The following DLG2 variants were observed in gnomAD, a reference collection of about 807,000 sequenced individuals.
DLG2 encodes discs large MAGUK scaffold protein 2.
Under a neutral mutation model 132.5 loss-of-function variants are expected in DLG2, and 45 were observed. The ratio of observed to expected loss-of-function variants is 0.34; its 90% CI spans 0.27 to 0.44. The LOEUF (loss-of-function observed/expected upper bound fraction) is 0.44. DLG2 is among the 20% of genes least tolerant of loss of function. The probability of loss-of-function intolerance (pLI) is 1.00; values close to 1 mark genes in which losing one functional copy is unlikely to be tolerated. For missense variants in DLG2, 1,045 were observed against 1,196.9 expected (o/e 0.87, Z 1.87); for synonymous variants, 424 against 419.6 (o/e 1.01, Z -0.13).
intron 4 of DLG2, among the ~76,000 whole-genome samples, chr11:85,229,344 C>T (rs933513591): frequency 2.6e-5 from 4 of 152,064 alleles, no homozygotes; most frequent in Non-Finnish European, 4.4e-5. Flanking sequence ...TGAACAGACA[C>T]TTCTCAAAAG....
intron 3 of DLG2, among the ~76,000 whole-genome samples, chr11:85,442,332 C>A (rs2091821749): frequency 1.3e-5 from 2 of 152,114 alleles, no homozygotes; most frequent in African/African-American, 2.4e-5. Flanking sequence ...AGCAAGACAT[C>A]ATGTTGGCTT....
At chr11:83,575,707 T>C (rs2096863462) in intron 19 of DLG2, among the ~76,000 whole-genome samples, 1 of 152,152 alleles carries the variant, frequency 6.6e-6, no homozygotes, top group Non-Finnish European at 1.5e-5. Context: ...GCTTCAGTAG[T>C]AAAACATAAT....
intron 16 of DLG2, among the ~76,000 whole-genome samples, chr11:83,853,848 G>A (rs990822679): frequency 1.3e-5 from 2 of 151,990 alleles, no homozygotes; most frequent in Admixed American, 6.6e-5. Context: ...TTTCACCACC[G>A]CCTTTCGTCA....
intron 17 of DLG2, among the ~76,000 whole-genome samples, chr11:83,796,151 G>A (rs767746390): frequency 6.6e-6 from 1 of 152,198 alleles, no homozygotes; most frequent in African/African-American, 2.4e-5. Flanking sequence ...GAGTGAATAA[G>A]TGAGTGGATG....
intron 4 of DLG2, among the ~76,000 whole-genome samples, chr11:85,197,238 T>C (rs1466226684): frequency 2.6e-5 from 4 of 152,216 alleles, no homozygotes; most frequent in African/African-American, 9.6e-5. Flanking sequence ...CTGTGTTACA[T>C]TGTGAAAAGT....
At chr11:85,453,273 A>T (rs1364976487) in intron 3 of DLG2, 3 of 313,880 alleles carry the variant, frequency 9.6e-6, no homozygotes, top group Admixed American at 3.8e-5. Flanking sequence ...TCTTCTGGAA[A>T]TCCAGAATTA....
intron 22 of DLG2, chr11:83,483,149 G>T (rs2093258324): frequency 1.1e-6 from 1 of 883,334 alleles, no homozygotes; most frequent in Non-Finnish European, 1.9e-6. Flanking sequence ...CTCGTATCTT[G>T]TGCATGCTAG....
At chr11:84,683,735 G>A (rs1428696374) in intron 6 of DLG2, among the ~76,000 whole-genome samples, 1 of 152,080 alleles carries the variant, frequency 6.6e-6, no homozygotes, top group Non-Finnish European at 1.5e-5. Context: ...CTGGAGACAG[G>A]GTGTTTAGGT....
At chr11:84,088,396 C>T (rs970214037) in intron 10 of DLG2, among the ~76,000 whole-genome samples, 2 of 151,130 alleles carry the variant, frequency 1.3e-5, no homozygotes, top group Non-Finnish European at 2.9e-5. Flanking sequence ...AAACAAAAAT[C>T]CAACGAGTCA....
chr11:84,332,192 G>A (rs1008848701), intron 7 of DLG2, among the ~76,000 whole-genome samples: 4 of 149,082 alleles, frequency 2.7e-5, no homozygotes, highest in South Asian at 2.1e-4. Context: ...GAAGACAACC[G>A]CTTTGCTTGT....
At chr11:84,188,015 C>A (rs1321191168) in intron 8 of DLG2, among the ~76,000 whole-genome samples, 1 of 152,088 alleles carries the variant, frequency 6.6e-6, no homozygotes, top group African/African-American at 2.4e-5. Context: ...AAATAGGATA[C>A]AATTATTGCT....
chr11:85,574,516 G>C (rs1392274380), intron 3 of DLG2, among the ~76,000 whole-genome samples: 1 of 151,936 alleles, frequency 6.6e-6, no homozygotes, highest in African/African-American at 2.4e-5. Context: ...CTCAGATATA[G>C]TTTGGATATT....
chr11:84,282,310 A>C (rs2097861609), intron 7 of DLG2, among the ~76,000 whole-genome samples: 1 of 152,204 alleles, frequency 6.6e-6, no homozygotes, highest in Non-Finnish European at 1.5e-5. Context: ...ATGCAAGTTA[A>C]TGTATAAAGA....
At chr11:85,620,609 G>C (rs1212503707) in intron 2 of DLG2, among the ~76,000 whole-genome samples, 1 of 152,238 alleles carries the variant, frequency 6.6e-6, no homozygotes, top group Non-Finnish European at 1.5e-5. Context: ...CACGCTTACT[G>C]TTGATATAGG....
chr11:84,735,038 G>T (rs561099270), intron 6 of DLG2, among the ~76,000 whole-genome samples: 1 of 152,088 alleles, frequency 6.6e-6, no homozygotes, highest in Non-Finnish European at 1.5e-5. Context: ...GATTCAGTTT[G>T]CCAGTATTTT....
intron 18 of DLG2, among the ~76,000 whole-genome samples, chr11:83,694,834 T>G (rs2081598480): frequency 6.6e-6 from 1 of 152,204 alleles, no homozygotes; most frequent in Admixed American, 6.5e-5. Context: ...CGATGAAAGA[T>G]CGGAATGTGG....
At chr11:84,313,004 G>A (rs1225649764) in intron 7 of DLG2, among the ~76,000 whole-genome samples, 1 of 151,838 alleles carries the variant, frequency 6.6e-6, no homozygotes, top group African/African-American at 2.4e-5. Context: ...TAGAGACGGG[G>A]CTTCACCATG....
At chr11:84,577,743 GA>G (rs1237759145) in intron 6 of DLG2, among the ~76,000 whole-genome samples, 1 of 152,126 alleles carries the variant, frequency 6.6e-6, no homozygotes, top group African/African-American at 2.4e-5. Context: ...ATTTTTTGAG[GA>G]AAAATTCAAG....
At chr11:84,620,345 G>C (rs2099611723) in intron 6 of DLG2, among the ~76,000 whole-genome samples, 1 of 151,742 alleles carries the variant, frequency 6.6e-6, no homozygotes, top group Non-Finnish European at 1.5e-5. Flanking sequence ...AAATTTTACA[G>C]TTTTATATCT....
Sources: gnomAD v4.1 joint callset for allele counts (sites outside exome capture counted in the v4.1 genomes callset) on GRCh38, gnomAD v4.1.1 for gene constraint, MANE v1.5 for transcripts, NCBI Gene and HGNC (gene_info 2026-07-23, HGNC 2026-07-21) for gene names.